EPB41L2: variants seen among roughly 807,000 people sequenced by gnomAD.
The protein encoded by EPB41L2 is erythrocyte membrane protein band 4.1 like 2, also known as band 4.1-like protein 2.
EPB41L2 carries 43 observed loss-of-function variants against 113.0 expected under a neutral mutation model. The ratio of observed to expected loss-of-function variants is 0.38; its 90% CI spans 0.30 to 0.49. The LOEUF is 0.49. Among genes scored for constraint, EPB41L2 ranks in the 20% least tolerant of loss-of-function variants. EPB41L2 has a pLI of 0.95. For synonymous variants in EPB41L2, 442 were observed against 436.7 expected, an observed-to-expected ratio of 1.01 and a Z score of -0.15; for missense variants, 1,147 against 1,223.4, an observed-to-expected ratio of 0.94 and a Z score of 0.93.
At chr6:130,850,645 T>C (rs891918340) in intron 19 of EPB41L2, among the ~76,000 whole-genome samples, 10 of 152,328 alleles carry the variant, frequency 6.6e-5, no homozygotes, top group Non-Finnish European at 1.2e-4. Context: ...ATGGGACTTA[T>C]GGGTCACTGA....
At chr6:130,907,557 G>A (rs764564763) in intron 5 of EPB41L2, among the ~76,000 whole-genome samples, 1 of 151,824 alleles carries the variant, frequency 6.6e-6, no homozygotes, top group Non-Finnish European at 1.5e-5. Context: ...CTCAGTCCTG[G>A]GCAAATCAGG....
chr6:131,042,310 T>C (rs1262471661), intron 1 of EPB41L2, among the ~76,000 whole-genome samples: 2 of 152,056 alleles, frequency 1.3e-5, no homozygotes, highest in Non-Finnish European at 2.9e-5. Context: ...TAGCAAAAGA[T>C]TTACTAGCAT....
intron 1 of EPB41L2, among the ~76,000 whole-genome samples, chr6:131,003,212 C>T (rs751005177): frequency 4.6e-5 from 7 of 152,052 alleles, no homozygotes; most frequent in Non-Finnish European, 7.4e-5. Context: ...AACCAGAATA[C>T]GAGCCTCACT....
At chr6:130,868,377 A>G (rs3777435) in intron 15 of EPB41L2, 53,316 of 152,108 alleles carry the variant, frequency 0.35, 9,638 homozygotes, top group East Asian at 0.45. Flanking sequence ...GGAAATATTC[A>G]ACGGCTTATT....
chr6:131,039,525 T>G (rs1457751837), intron 1 of EPB41L2, among the ~76,000 whole-genome samples: 3 of 152,190 alleles, frequency 2.0e-5, no homozygotes, highest in Non-Finnish European at 4.4e-5. Context: ...TGTTTTTCCA[T>G]TTGCTGAATT....
At chr6:130,974,738 T>C (rs1777788556) in intron 1 of EPB41L2, among the ~76,000 whole-genome samples, 1 of 136,852 alleles carries the variant, frequency 7.3e-6, no homozygotes, top group Admixed American at 7.5e-5. Flanking sequence ...TTTTTTTTTT[T>C]TTTTTGAGAT....
chr6:131,009,291 C>A (rs117834790), intron 1 of EPB41L2, among the ~76,000 whole-genome samples: 1 of 152,144 alleles, frequency 6.6e-6, no homozygotes, highest in Non-Finnish European at 1.5e-5. Context: ...TGAAGAGCTG[C>A]CTTCCACCAT....
chr6:130,954,048 T>C (rs1165005214), intron 3 of EPB41L2, among the ~76,000 whole-genome samples: 80 of 83,908 alleles, frequency 9.5e-4, no homozygotes, highest in South Asian at 4.2e-3. Context: ...TTCTTTTTTT[T>C]TTTTTTTTTT....
At chr6:131,020,744 G>A (rs969756273) in intron 1 of EPB41L2, among the ~76,000 whole-genome samples, 5 of 152,112 alleles carry the variant, frequency 3.3e-5, no homozygotes, top group Non-Finnish European at 5.9e-5. Context: ...ATGAGTCTTC[G>A]GCTCTTCAGC....
intron 1 of EPB41L2, among the ~76,000 whole-genome samples, chr6:130,985,074 G>A (rs932772335): frequency 6.6e-6 from 1 of 152,136 alleles, no homozygotes; most frequent in Non-Finnish European, 1.5e-5. Context: ...TCACCTTCAA[G>A]CCAAAAAAAC....
rs531285497 is a variant in EPB41L2 at position 130,947,990 on chromosome 6, A to G, written c.705+7115T>C. 4.6e-5 allele frequency among the ~76,000 whole-genome samples: 7 copies of G among 152,348 alleles called. No individual in the cohort carries two copies. In the South Asian group the frequency reaches 1.5e-3, roughly 32 times the overall value. ...TGGTACATAAGATCTGCTGTGGGATAGCATCACTAAAATCTATTCAAACTC... is the reference window on the plus strand; with the variant it reads ...TGGTACATAAGATCTGCTGTGGGATGGCATCACTAAAATCTATTCAAACTC... On this transcript the variant is annotated intron_variant, in intron 3 of 19. Transcript: ENST00000337057.
chr6:130,935,331 A>G (rs1808429505), intron 3 of EPB41L2, among the ~76,000 whole-genome samples: 2 of 152,224 alleles, frequency 1.3e-5, no homozygotes, highest in Non-Finnish European at 2.9e-5. Context: ...TACTTGTTAT[A>G]TAAGTAAGGC....
intron 2 of EPB41L2, 108 bp from the exon 3 acceptor site, chr6:130,955,425 T>A (rs1266890726): frequency 1.9e-6 from 2 of 1,058,534 alleles, no homozygotes; most frequent in African/African-American, 1.6e-5. Context: ...CTTTAAACAC[T>A]GTAACTTTCA....
intron 4 of EPB41L2, among the ~76,000 whole-genome samples, chr6:130,912,468 G>A (rs1411475664): frequency 6.6e-6 from 1 of 152,154 alleles, no homozygotes. Flanking sequence ...GGGGTAGCAA[G>A]GATCCAAGGT....
chr6:130,995,236 TGAG>T (rs1363282868), intron 1 of EPB41L2, among the ~76,000 whole-genome samples: 1 of 152,042 alleles, frequency 6.6e-6, no homozygotes, highest in African/African-American at 2.4e-5. Flanking sequence ...CTCGGGAGGC[TGAG>T]GAGGAGAATG....
At chr6:130,993,328 T>C (rs1490382015) in intron 1 of EPB41L2, among the ~76,000 whole-genome samples, 2 of 152,004 alleles carry the variant, frequency 1.3e-5, no homozygotes, top group Non-Finnish European at 2.9e-5. Flanking sequence ...CCCAGGGAAA[T>C]TAGGTAATTT....
chr6:130,940,438 T>C (rs1056463621), intron 3 of EPB41L2, among the ~76,000 whole-genome samples: 9 of 151,942 alleles, frequency 5.9e-5, no homozygotes, highest in African/African-American at 2.2e-4. Context: ...TAGGTTAGGG[T>C]ATAGCTGAGT....
At chr6:130,894,281 A>T (rs1222378143) in intron 10 of EPB41L2, 63 bp downstream of exon 10, 1 of 1,346,990 alleles carries the variant, frequency 7.4e-7, no homozygotes, top group Non-Finnish European at 1.1e-6. Context: ...CTGCCTCCTG[A>T]GTCAGTGGAA....
At chr6:130,928,932 A>ACTCTACTG (rs1450920149) in intron 3 of EPB41L2, among the ~76,000 whole-genome samples, 4 of 152,198 alleles carry the variant, frequency 2.6e-5, no homozygotes, top group African/African-American at 9.7e-5. Context: ...CCATAGCAGT[A>ACTCTACTG]CTCTACTGTC....
Sources: allele counts gnomAD v4.1 joint callset (sites outside exome capture counted in the v4.1 genomes callset), GRCh38; gene constraint gnomAD v4.1.1; transcripts MANE v1.5; gene names NCBI Gene and HGNC (gene_info 2026-07-23, HGNC 2026-07-21).